Variants in ALPK2 observed in about 807,000 individuals in gnomAD.
ALPK2 encodes alpha kinase 2, also known as alpha-protein kinase 2.
In ALPK2, 127 loss-of-function variants were observed where a neutral mutation model predicts 163.1. The observed-to-expected ratio is 0.78, with a 90% CI of 0.67 to 0.90. ALPK2 has a LOEUF of 0.90. Among genes scored for constraint, ALPK2 ranks in the 40% least tolerant of loss-of-function variants. The pLI, the probability that ALPK2 is intolerant of heterozygous loss-of-function variation, is 0.00. For synonymous variants in ALPK2, 953 were observed against 959.1 expected, an observed-to-expected ratio of 0.99 and a Z score of 0.12; for missense variants, 2,360 against 2,589.6, an observed-to-expected ratio of 0.91 and a Z score of 1.92.
Position 58,515,012 on chromosome 18 carries a change from C to T in ALPK2, c.6010G>A (p.Gly2004Ser), listed in dbSNP as rs1471386390. The T allele has an allele frequency of 1.4e-5, 22 of 1,612,880 alleles. No individual in the cohort carries two copies. The highest frequency in any genetic ancestry group is 1.8e-5 in the Non-Finnish European group (21 of 1,179,400). ...ACTTACTCAGGTACTTCTCCAAAGC[C>T]TTCCAGAGGCTGTGCTTCAGCAGCG... ...IYAAEAQPLE[G>S]FGEVPEIIPI... is the part of the protein sequence containing the mutation. Residue 2004 changes from glycine (G) to serine (S), a missense_variant, in exon 10 of 13, where the codon GGC becomes AGC. Transcript: ENST00000361673.
Position 58,529,192 on chromosome 18 carries a change from G to A in ALPK2, c.5400C>T (p.His1800=). 1 of 1,613,986 alleles carries A rather than the reference G, an allele frequency of 6.2e-7. No homozygotes were observed. Residue 1800 remains histidine, a synonymous_variant, in exon 6 of 13, where the codon CAC becomes CAT. Transcript: ENST00000361673. ...KKIQAEMFPE[H]SGNVKLSCQF... ...GGCAGCTTAATTTTACATTTCCAGA[G>A]TGTTCAGGGAACATCTCAGCTTGGA...
rs191077030 is a variant in ALPK2, at chr18:58,616,709, C to T, written c.-20-4892G>A. ...AATCGCCTATGGATCTCTGCAAAATCGCCTGTGGTTCTCTGCATCTGGCAG... is the reference window on the plus strand; with the variant it reads ...AATCGCCTATGGATCTCTGCAAAATTGCCTGTGGTTCTCTGCATCTGGCAG... On this transcript the variant is annotated intron_variant, in intron 1 of 12. Coordinates refer to ENST00000361673, the MANE Select transcript of ALPK2 (RefSeq NM_052947.4). Among the ~76,000 whole-genome samples the T allele has an allele frequency of 1.4e-3, 209 of 152,296 alleles. 1 individual carries two copies. Among genetic ancestry groups the T allele is most frequent in the Admixed American group, 0.01 (155 of 15,298 alleles).
chr18:58,495,321 C>G (rs115143997), intron 12 of ALPK2, among the ~76,000 whole-genome samples: 1,896 of 152,218 alleles, frequency 0.012, 35 homozygotes, highest in African/African-American at 0.042. Context: ...CCAAAGCTCT[C>G]AAACACTTCA....
chr18:58,588,971 T>C (rs1024065949), intron 3 of ALPK2, among the ~76,000 whole-genome samples: 1 of 152,196 alleles, frequency 6.6e-6, no homozygotes, highest in African/African-American at 2.4e-5. Flanking sequence ...TTGCTGGGTA[T>C]GTTTGAATAT....
At chr18:58,495,295 A>C (rs1363306453) in intron 12 of ALPK2, among the ~76,000 whole-genome samples, 1 of 152,244 alleles carries the variant, frequency 6.6e-6, no homozygotes, top group Admixed American at 6.5e-5. Flanking sequence ...AAAGACAAGA[A>C]GATCTAATAT....
intron 4 of ALPK2, among the ~76,000 whole-genome samples, chr18:58,575,216 AAAAG>A (rs1253768320): frequency 6.7e-6 from 1 of 148,652 alleles, no homozygotes; most frequent in African/African-American, 2.5e-5. Flanking sequence ...CAAAAAAAAA[AAAAG>A]AAGAAGAAGA....
intron 10 of ALPK2, among the ~76,000 whole-genome samples, chr18:58,514,027 A>C (rs2051508299): frequency 6.6e-6 from 1 of 152,174 alleles, no homozygotes; most frequent in Non-Finnish European, 1.5e-5. Context: ...AAGAAAACTT[A>C]AGAGGACAGA....
chr18:58,545,951 C>A (rs748822179), intron 4 of ALPK2, among the ~76,000 whole-genome samples: 24 of 152,226 alleles, frequency 1.6e-4, no homozygotes, highest in African/African-American at 5.3e-4. Flanking sequence ...ATTTGTCATT[C>A]GATAGATCAA....
rs932112344 is a variant in ALPK2, at chr18:58,616,152, G to A, written c.-20-4335C>T. Among the ~76,000 whole-genome samples, 7 of 152,354 alleles carry A rather than the reference G, an allele frequency of 4.6e-5. 1 individual carries two copies. The South Asian group carries it at 1.5e-3, about 32-fold the overall frequency. ...GGGAAAACAATGTGTTAATTGGAAAGAATGCTGGATTTGCCTTTTTTCTTT... is the reference window on the plus strand; with the variant it reads ...GGGAAAACAATGTGTTAATTGGAAAAAATGCTGGATTTGCCTTTTTTCTTT... On this transcript the variant is annotated intron_variant, in intron 1 of 12. Coordinates refer to ENST00000361673, the MANE Select transcript of ALPK2 (RefSeq NM_052947.4).
intron 3 of ALPK2, chr18:58,600,789 G>C (rs2052065342): frequency 6.6e-6 from 1 of 152,208 alleles, no homozygotes; most frequent in Non-Finnish European, 1.5e-5. Flanking sequence ...AGCACTCTCT[G>C]GTTCAATACC....
intron 2 of ALPK2, among the ~76,000 whole-genome samples, chr18:58,611,344 A>T (rs188173602): frequency 7.9e-5 from 12 of 152,200 alleles, no homozygotes; most frequent in African/African-American, 1.9e-4. Context: ...AAAAAAAGTG[A>T]TTCATGCCAT....
chr18:58,573,426 A>G (rs2051900699), intron 4 of ALPK2, among the ~76,000 whole-genome samples: 1 of 134,630 alleles, frequency 7.4e-6, no homozygotes. Flanking sequence ...TTTTTTTTTC[A>G]GAGACAGGGT....
Position 58,514,211 on chromosome 18 carries a change from C to T in ALPK2, c.6029+782G>A, listed in dbSNP as rs548311002. Among the ~76,000 whole-genome samples, 62 of 152,298 alleles carry T rather than the reference C, an allele frequency of 4.1e-4. No individual in the cohort carries two copies. In the East Asian group the frequency reaches 6.9e-3, roughly 17 times the overall value. ...GAAAGTGTTATACTTTACACATGGT[C>T]TTCCAAATGTACCACCCAAGGGAAA... is the stretch of plus-strand genomic sequence containing the variant. On this transcript the variant is annotated intron_variant, in intron 10 of 12. Coordinates refer to ENST00000361673, the MANE Select transcript of ALPK2 (RefSeq NM_052947.4).
intron 12 of ALPK2, among the ~76,000 whole-genome samples, chr18:58,492,549 C>T (rs980380012): frequency 6.6e-6 from 1 of 152,252 alleles, no homozygotes; most frequent in African/African-American, 2.4e-5. Flanking sequence ...TCAGCCATCC[C>T]TGTACCTGCC....
rs2051653039 is a variant in ALPK2, at chr18:58,536,972, A to T, written c.3215T>A (p.Leu1072Gln). ...TGGCACACTGGGTGCCCTGCAAAGT[A>T]GCTCTTTTGTAGATTTGATGGTAGC... Reference protein sequence around the residue: ...SGATIKSTKELLCRAPSVPGV... With the variant: ...SGATIKSTKEQLCRAPSVPGV... Residue 1072 changes from leucine to glutamine, a missense_variant, in exon 5 of 13, where the codon CTA (leucine) becomes CAA (glutamine). By Grantham distance (113) the Leu-to-Gln change is moderately radical (BLOSUM62 -2). Transcript: ENST00000361673. The T allele has an allele frequency of 6.2e-7, 1 of 1,614,092 alleles. No individual in the cohort carries two copies. Among genetic ancestry groups the T allele is most frequent in the South Asian group, 1.1e-5 (1 of 91,090 alleles).
chr18:58,485,224 A>C (rs986738744), intron 12 of ALPK2, among the ~76,000 whole-genome samples: 6 of 152,192 alleles, frequency 3.9e-5, no homozygotes, highest in African/African-American at 1.2e-4. Flanking sequence ...GGCAAAAAGA[A>C]GTCTGTAATG....
chr18:58,574,694 G>A (rs1245834414), intron 4 of ALPK2, among the ~76,000 whole-genome samples: 1 of 152,040 alleles, frequency 6.6e-6, no homozygotes, highest in Admixed American at 6.6e-5. Flanking sequence ...GCCCCGTTCC[G>A]GCTGTGGAAA....
At chr18:58,598,275 C>T (rs1269265739) in intron 3 of ALPK2, among the ~76,000 whole-genome samples, 1 of 152,244 alleles carries the variant, frequency 6.6e-6, no homozygotes, top group African/African-American at 2.4e-5. Flanking sequence ...TGAGGTGTAG[C>T]CTGGTGTCTC....
intron 1 of ALPK2, among the ~76,000 whole-genome samples, chr18:58,615,261 A>G (rs2052159972): frequency 6.6e-6 from 1 of 152,178 alleles, no homozygotes. Context: ...CAGAGGGATG[A>G]CTACCCCACT....
Sources: gnomAD v4.1 joint callset for allele counts (sites outside exome capture counted in the v4.1 genomes callset) on GRCh38, gnomAD v4.1.1 for gene constraint, MANE v1.5 for transcripts, NCBI Gene and HGNC (gene_info 2026-07-23, HGNC 2026-07-21) for gene names.